Variants in ANO7 observed in about 807,000 individuals in gnomAD.
ANO7 encodes anoctamin 7, also known as anoctamin-7.
In ANO7, 114 loss-of-function variants were observed where a neutral mutation model predicts 115.8. That is an observed-to-expected ratio of 0.98 (90% CI 0.85 to 1.15). The LOEUF (loss-of-function observed/expected upper bound fraction) is 1.15. Ranked by LOEUF, ANO7 falls within the 50% of genes most tolerant of loss-of-function variation. ANO7 has a pLI of 0.00. For missense variants in ANO7, 1,302 were observed against 1,201.2 expected (o/e 1.08, Z -1.24); for synonymous variants, 550 against 498.2 (o/e 1.10, Z -1.38).
chr2:241,237,471 GATGTAAATAA>G, the ANO7 span, among the ~76,000 whole-genome samples: 1 of 152,198 alleles, frequency 6.6e-6, no homozygotes, highest in Non-Finnish European at 1.5e-5. Context: ...GGAGGTGTGT[GATGTAAATAA>G]ATGAGCAGGA....
chr2:241,221,903 C>G (rs1369716912), intron 21 of ANO7, among the ~76,000 whole-genome samples: 1 of 152,110 alleles, frequency 6.6e-6, no homozygotes, highest in Non-Finnish European at 1.5e-5. Flanking sequence ...TAGTTTCGAA[C>G]TCCTGACCTC....
At position 241,203,278 on chromosome 2, in the gene ANO7, G is replaced by A. The variant is rs2068511608; in HGVS notation, c.724-55G>A. On this transcript the variant is annotated intron_variant, in intron 8 of 24. Transcript: ENST00000674324. The surrounding 1 kb of genome is among the most constrained non-coding windows in gnomAD (Gnocchi z 4.8). ...CACTGAAGCCCCTGCACCTACAACA[G>A]TGCCCAGTGGGGTCAGCTGGGGGAG... is the stretch of plus-strand genomic sequence containing the variant. The A allele has an allele frequency of 7.1e-7, 1 of 1,404,904 alleles. No individual in the cohort carries two copies. The allele number at this position is 1,404,904 out of a possible 1,614,324, so 87.0% of individuals were successfully genotyped here.
At position 241,224,234 on chromosome 2, in the gene ANO7, A is replaced by G. The variant is rs1434071551; in HGVS notation, c.*81A>G. The G allele has an allele frequency of 6.4e-5, 97 of 1,504,244 alleles. 1 individual carries two copies. Among genetic ancestry groups the G allele is most frequent in the Non-Finnish European group, 6.6e-5 (72 of 1,092,642 alleles). The allele number at this position is 1,504,244 out of a possible 1,614,324, so 93.2% of individuals were successfully genotyped here. ...AGCAGCGTCCTTTTCCTCTTCCCTC[A>G]GGCAGCGGCTGTGTGAACCGCTGGC... is the stretch of plus-strand genomic sequence containing the variant. On this transcript the variant is annotated 3_prime_UTR_variant, in exon 25 of 25. Transcript: ENST00000674324.
At chr2:241,209,910 G>T (rs952746368) in intron 13 of ANO7, among the ~76,000 whole-genome samples, 20 of 152,144 alleles carry the variant, frequency 1.3e-4, no homozygotes, top group Non-Finnish European at 2.9e-4. Flanking sequence ...GAAAAGAGAG[G>T]CGGGCACCCC....
At position 241,214,465 on chromosome 2, in the gene ANO7, G is replaced by A. The variant is rs114413779; in HGVS notation, c.1729-340G>A. 3.1e-3 allele frequency among the ~76,000 whole-genome samples: 469 copies of A among 152,310 alleles called. 3 individuals carry two copies. The highest frequency in any genetic ancestry group is 0.011 in the African/African-American group (455 of 41,580). On this transcript the variant is annotated intron_variant, in intron 17 of 24. Coordinates refer to ENST00000674324, the MANE Select transcript of ANO7 (RefSeq NM_001370694.2). ...TCCCACTGGCTCGAACTGGGTCACC[G>A]ATTGGTGGGGCCTGCCTCGTGGGTC...
rs1457677957 is a variant in ANO7 at position 241,212,097 on chromosome 2, T to C, written c.1565T>C (p.Met522Thr). The C allele has an allele frequency of 6.2e-7, 1 of 1,613,886 alleles. No individual in the cohort carries two copies. The highest frequency in any genetic ancestry group is 1.1e-5 in the South Asian group (1 of 91,076). The change falls in exon 16 of 25, where the codon ATG becomes ACG. Residue 522 changes from methionine to threonine, a missense_variant. Physicochemically the swap from Met to Thr is moderately conservative, Grantham distance 81. Coordinates refer to ENST00000674324, the MANE Select transcript of ANO7 (RefSeq NM_001370694.2). The stretch of plus-strand genomic sequence containing the variant: ...GCCCAGGCTCTCCATGCCACAGAAA[T>C]GCACCGCACCCAGACCAAGTTCGAG... ...SLAHVLTRWE[M>T]HRTQTKFEDA...
the ANO7 span, among the ~76,000 whole-genome samples, chr2:241,234,956 C>T: frequency 6.6e-6 from 1 of 152,248 alleles, no homozygotes; most frequent in Admixed American, 6.5e-5. Context: ...GCTAGTTCCA[C>T]AGCAAGACCC....
chr2:241,224,471 T>TTC lies in ANO7; in HGVS notation c.*321_*322dup, dbSNP rs558311124. On this transcript the variant is annotated 3_prime_UTR_variant, in exon 25 of 25. Coordinates refer to ENST00000674324, the MANE Select transcript of ANO7 (RefSeq NM_001370694.2). ...CTCCCCAGGCCCCTGGACACGACAG[T>TTC]TCTCCTCAGGCAGGTGGGCTTTGTG... 3.6e-4 allele frequency: 138 copies of TTC among 385,230 alleles called. 2 individuals carry two copies. In the East Asian group the frequency reaches 6.1e-3, roughly 17 times the overall value. The allele number at this position is 385,230 out of a possible 1,614,324, so 23.9% of individuals were successfully genotyped here.
At chr2:241,205,076 G>A (rs144590566) in intron 10 of ANO7, 121 bp downstream of exon 10, 3 of 781,258 alleles carry the variant, frequency 3.8e-6, no homozygotes, top group East Asian at 5.1e-5. Context: ...TGATTGAGGT[G>A]TGAGGTGAGC....
chr2:241,214,831 G>A lies in ANO7; in HGVS notation c.1755G>A (p.Glu585=), dbSNP rs1435029860. ...EECAAGGCLI[E]LAQELLVIMV... ...GCGCGGCTGGAGGCTGCCTGATCGA[G>A]CTGGCACAGGAGCTCCTGGTCATCA... Residue 585 remains glutamate (E), a synonymous_variant, in exon 18 of 25, where the codon GAG becomes GAA. Transcript: ENST00000674324. 1.6e-5 allele frequency: 25 copies of A among 1,612,322 alleles called. No homozygotes were observed. The highest frequency in any genetic ancestry group is 2.1e-5 in the Non-Finnish European group (25 of 1,179,968).
intron 21 of ANO7, among the ~76,000 whole-genome samples, chr2:241,220,621 G>A (rs1364844328): frequency 6.6e-6 from 1 of 152,182 alleles, no homozygotes; most frequent in Non-Finnish European, 1.5e-5. Flanking sequence ...TTAACACCGT[G>A]AAACCCCATC....
downstream of ANO7, chr2:241,230,946 T>TA: frequency 6.2e-7 from 1 of 1,611,270 alleles, no homozygotes; most frequent in South Asian, 1.1e-5. This position sits in a 1 kb window ranked among gnomAD's most constrained non-coding sequence, Gnocchi z 5.0. Context: ...GTCCTGGGGC[T>TA]AAAAAAGGAG....
intron 18 of ANO7, 39 bp from the exon 19 acceptor site, chr2:241,216,054 G>A: frequency 6.3e-7 from 1 of 1,574,922 alleles, no homozygotes; most frequent in Non-Finnish European, 8.6e-7. Context: ...TGAGACCCAT[G>A]TTGGATCAAA....
chr2:241,209,443 C>T lies in ANO7; in HGVS notation c.1221+15C>T, dbSNP rs1374495274. ...AGGACACTGAGGTGAGCCACCCCCGCTGGACCACGGTCACACCCGGCGAGG... is the reference window on the plus strand; with the variant it reads ...AGGACACTGAGGTGAGCCACCCCCGTTGGACCACGGTCACACCCGGCGAGG... On this transcript the variant is annotated intron_variant, in intron 12 of 24. Transcript: ENST00000674324. 1 of 1,599,204 alleles carries T rather than the reference C, an allele frequency of 6.3e-7. No individual in the cohort carries two copies.
intron 11 of ANO7, among the ~76,000 whole-genome samples, chr2:241,208,408 G>A (rs1044857092): frequency 1.3e-5 from 2 of 152,166 alleles, no homozygotes; most frequent in Non-Finnish European, 2.9e-5. Flanking sequence ...GCTTGTGGCC[G>A]CCTCATTCCA....
intron 17 of ANO7, among the ~76,000 whole-genome samples, chr2:241,213,113 C>T (rs1256989334): frequency 6.6e-6 from 1 of 152,194 alleles, no homozygotes; most frequent in African/African-American, 2.4e-5. Context: ...GCACACAGGC[C>T]CGCAGAGGCT....
chr2:241,240,261 C>T, the ANO7 span: 1 of 768,928 alleles, frequency 1.3e-6, no homozygotes, highest in Non-Finnish European at 2.3e-6. This position sits in a 1 kb window ranked among gnomAD's most constrained non-coding sequence, Gnocchi z 5.5. Context: ...CCAATACCCC[C>T]AAAATGGGGC....
chr2:241,233,361 G>C, the ANO7 span, among the ~76,000 whole-genome samples: 19 of 152,176 alleles, frequency 1.2e-4, no homozygotes, highest in South Asian at 1.2e-3. The surrounding 1 kb of genome is among the most constrained non-coding windows in gnomAD (Gnocchi z 4.3). Flanking sequence ...CTGCAATTTG[G>C]AGGAAGTAAC....
chr2:241,220,902 C>G (rs1228338433), intron 21 of ANO7, among the ~76,000 whole-genome samples: 2 of 150,462 alleles, frequency 1.3e-5, no homozygotes, highest in African/African-American at 4.9e-5. Flanking sequence ...ACTCGGGAGG[C>G]GGAGGTTGCA....
Sources: allele counts gnomAD v4.1 joint callset (sites outside exome capture counted in the v4.1 genomes callset), GRCh38; gene constraint gnomAD v4.1.1; non-coding constraint Gnocchi (gnomAD v3.1); transcripts MANE v1.5; gene names NCBI Gene and HGNC (gene_info 2026-07-23, HGNC 2026-07-21).